The following PRDM16 variants were observed in gnomAD, a reference collection of about 807,000 sequenced individuals.
PRDM16 encodes histone-lysine N-methyltransferase PRDM16.
PRDM16 carries 23 observed loss-of-function variants against 110.6 expected under a neutral mutation model. The ratio of observed to expected loss-of-function variants is 0.21; its 90% CI spans 0.15 to 0.29. The LOEUF is 0.29. Ranked by LOEUF, PRDM16 falls within the 10% of genes least tolerant of loss-of-function variation. PRDM16 has a pLI of 1.00. For synonymous variants in PRDM16, 799 were observed against 781.8 expected (o/e 1.02, Z -0.37); for missense variants, 1,615 against 1,794.3 (o/e 0.90, Z 1.81).
intron 3 of PRDM16, among the ~76,000 whole-genome samples, chr1:3,337,620 C>T (rs921429947): frequency 3.3e-5 from 5 of 152,278 alleles, no homozygotes; most frequent in Admixed American, 6.5e-5. Flanking sequence ...TTGGCCACTG[C>T]GGGGCCAGCC....
rs79670132 is a variant in PRDM16, at chr1:3,271,819, G to A, written c.438+27682G>A. ...CCAGCACGGAAAGCAGCAGCAGGCC[G>A]CGGAGTCCTGGGCACAGGGCTCCCT... On this transcript the variant is annotated intron_variant, in intron 3 of 16. Transcript: ENST00000270722. Among the ~76,000 whole-genome samples the A allele has an allele frequency of 2.7e-3, 418 of 152,300 alleles. 1 individual carries two copies. The highest frequency in any genetic ancestry group is 4.5e-3 in the Non-Finnish European group (307 of 68,022).
rs538295182 is a variant in PRDM16, at chr1:3,255,203, C to G, written c.438+11066C>G. ...ACGTTAGACCTAAAACCATAAAAAC[C>G]CTAGAAGAAAACCTAGGCATTACCA... On this transcript the variant is annotated intron_variant, in intron 3 of 16. Coordinates refer to ENST00000270722, the MANE Select transcript of PRDM16 (RefSeq NM_022114.4). This position sits in a 1 kb window ranked among gnomAD's most constrained non-coding sequence, Gnocchi z 4.7. 1.6e-3 allele frequency among the ~76,000 whole-genome samples: 243 copies of G among 152,046 alleles called. 3 individuals carry two copies. Among genetic ancestry groups the G allele is most frequent in the African/African-American group, 5.6e-3 (232 of 41,470 alleles).
At chr1:3,227,223 G>A (rs566251060) in intron 2 of PRDM16, among the ~76,000 whole-genome samples, 12 of 152,354 alleles carry the variant, frequency 7.9e-5, no homozygotes, top group African/African-American at 2.9e-4. Context: ...GCGAGGACCT[G>A]CAGCTCACAC....
intron 5 of PRDM16, among the ~76,000 whole-genome samples, chr1:3,397,144 G>A (rs557855041): frequency 1.3e-5 from 2 of 152,288 alleles, no homozygotes; most frequent in East Asian, 3.9e-4. Flanking sequence ...AGCAAAATGT[G>A]CATCTGTAGC....
intron 1 of PRDM16, among the ~76,000 whole-genome samples, chr1:3,096,562 C>G (rs556630771): frequency 1.2e-3 from 186 of 152,260 alleles, no homozygotes; most frequent in African/African-American, 4.3e-3. Context: ...GCCTCTTCCT[C>G]TTTTGCCGGC....
chr1:3,132,710 C>T (rs1309431927), intron 1 of PRDM16, among the ~76,000 whole-genome samples: 4 of 152,168 alleles, frequency 2.6e-5, no homozygotes, highest in East Asian at 1.9e-4. Context: ...AGAGAGTAGA[C>T]GATTCATTTA....
intron 1 of PRDM16, among the ~76,000 whole-genome samples, chr1:3,077,457 A>C (rs1641925973): frequency 6.6e-6 from 1 of 152,180 alleles, no homozygotes; most frequent in Non-Finnish European, 1.5e-5. Flanking sequence ...GTGAGTTTGA[A>C]CTTGGTTGAA....
At chr1:3,414,215 C>T (rs959050992) in intron 9 of PRDM16, among the ~76,000 whole-genome samples, 1 of 152,226 alleles carries the variant, frequency 6.6e-6, no homozygotes, top group Non-Finnish European at 1.5e-5. Flanking sequence ...GCCGCCTGCA[C>T]TTAGCACCCA....
At chr1:3,374,003 CT>C (rs1642951509) in intron 3 of PRDM16, among the ~76,000 whole-genome samples, 1 of 152,388 alleles carries the variant, frequency 6.6e-6, no homozygotes, top group South Asian at 2.1e-4. Flanking sequence ...CTTCGGTGTC[CT>C]CCTGGAGGCT....
At chr1:3,207,369 A>G (rs1638777934) in intron 2 of PRDM16, 1 of 152,238 alleles carries the variant, frequency 6.6e-6, no homozygotes, top group Non-Finnish European at 1.5e-5. Flanking sequence ...TTTATGGCAG[A>G]GAAGTGAAGT....
chr1:3,187,209 A>G (rs1228893171), intron 2 of PRDM16, among the ~76,000 whole-genome samples: 2 of 152,112 alleles, frequency 1.3e-5, no homozygotes, highest in African/African-American at 2.4e-5. Context: ...GGGGACTAAC[A>G]GCCCCACCCC....
Position 3,414,635 on chromosome 1 carries a change from C to T in PRDM16, c.2679C>T (p.Leu893=), listed in dbSNP as rs1443138966. Residue 893 remains leucine, a synonymous_variant, in exon 10 of 17, where the codon CTC becomes CTT. Coordinates refer to ENST00000270722, the MANE Select transcript of PRDM16 (RefSeq NM_022114.4). ...AGTACCTGCGGCCGTCCCCGCTGCT[C>T]TTCCACCCCCAGGTACGTCCTCAGT... ...KEKYLRPSPL[L]FHPQMSAIET... The T allele has an allele frequency of 1.2e-6, 2 of 1,612,942 alleles. No individual in the cohort carries two copies. Among genetic ancestry groups the T allele is most frequent in the Non-Finnish European group, 1.7e-6 (2 of 1,179,678 alleles).
intron 1 of PRDM16, among the ~76,000 whole-genome samples, chr1:3,181,396 ATGGTCTTACACACGCAGTCTTACACACG>A (rs1644177744): frequency 7.2e-5 from 1 of 13,904 alleles, no homozygotes. Context: ...GGCCTTACGC[ATGGTCTTACACACGCAGTCTTACACACG>A]CGGTCTTACA....
intron 3 of PRDM16, among the ~76,000 whole-genome samples, chr1:3,363,162 G>A (rs374598082): frequency 1.5e-4 from 23 of 152,270 alleles, no homozygotes; most frequent in African/African-American, 5.1e-4. Flanking sequence ...CTCCAGCCCG[G>A]GGGTCGGGTG....
At chr1:3,181,455 T>TAC (rs1388504849) in intron 1 of PRDM16, among the ~76,000 whole-genome samples, 2 of 35,700 alleles carry the variant, frequency 5.6e-5, no homozygotes. Context: ...TACACGGTCT[T>TAC]ACACACGGTC....
chr1:3,114,534 GC>G (rs1206328756), intron 1 of PRDM16, among the ~76,000 whole-genome samples: 1 of 151,264 alleles, frequency 6.6e-6, no homozygotes, highest in African/African-American at 2.4e-5. Flanking sequence ...ACGCACACAT[GC>G]ACACATGAAC....
chr1:3,103,651 G>C (rs1278353488), intron 1 of PRDM16, among the ~76,000 whole-genome samples: 1 of 152,210 alleles, frequency 6.6e-6, no homozygotes, highest in Non-Finnish European at 1.5e-5. Flanking sequence ...CAGGTGTGCA[G>C]GGCAGGAGGG....
chr1:3,314,071 C>CGGGTGG (rs1641535638), intron 3 of PRDM16, among the ~76,000 whole-genome samples: 1 of 100,656 alleles, frequency 9.9e-6, no homozygotes, highest in South Asian at 2.9e-4. Flanking sequence ...CCTTCCCCAC[C>CGGGTGG]GGGGGGGGGG....
At chr1:3,328,444 G>A (rs945830666) in intron 3 of PRDM16, among the ~76,000 whole-genome samples, 2 of 152,150 alleles carry the variant, frequency 1.3e-5, no homozygotes, top group African/African-American at 4.8e-5. Flanking sequence ...GGGAGGTCTA[G>A]CAGCATGCGC....
Sources: allele counts gnomAD v4.1 joint callset (sites outside exome capture counted in the v4.1 genomes callset), GRCh38; gene constraint gnomAD v4.1.1; non-coding constraint Gnocchi (gnomAD v3.1); transcripts MANE v1.5; gene names NCBI Gene and HGNC (gene_info 2026-07-23, HGNC 2026-07-21).